Variants in SLC24A2 observed in about 807,000 individuals in gnomAD.
SLC24A2 encodes the protein solute carrier family 24 member 2.
SLC24A2 carries 36 observed loss-of-function variants against 62.0 expected under a neutral mutation model. The ratio of observed to expected loss-of-function variants is 0.58; its 90% CI spans 0.44 to 0.77. The LOEUF is 0.77. SLC24A2 is among the 30% of genes least tolerant of loss of function. SLC24A2 has a pLI of 0.00. For synonymous variants in SLC24A2, 358 were observed against 294.0 expected, an observed-to-expected ratio of 1.22 and a Z score of -2.23; for missense variants, 846 against 817.9, an observed-to-expected ratio of 1.03 and a Z score of -0.42.
chr9:20,198,648 C>T, the SLC24A2 span, among the ~76,000 whole-genome samples: 1 of 151,768 alleles, frequency 6.6e-6, no homozygotes, highest in Non-Finnish European at 1.5e-5. Flanking sequence ...GGGGTCCCCT[C>T]GCATCTCTCT....
At position 19,509,089 on chromosome 9, in the gene SLC24A2, C is replaced by G. The variant is rs1832614358; in HGVS notation, c.*7064G>C. On this transcript the variant is annotated 3_prime_UTR_variant, in exon 11 of 11. Coordinates refer to ENST00000341998, the MANE Select transcript of SLC24A2 (RefSeq NM_020344.4). ...CCCATCCTATATTTATATAAAAGCT[C>G]AAACACATCCTACATTTCCCAGGTA... 1 of 152,096 alleles carries G rather than the reference C, an allele frequency of 6.6e-6. No homozygotes were observed. Among genetic ancestry groups the G allele is most frequent in the Non-Finnish European group, 1.5e-5 (1 of 68,002 alleles). 9.4% of individuals were successfully genotyped at this position (152,096 alleles called of 1,614,324 possible). A position where few individuals can be genotyped will look rare whatever the true frequency, so the allele number is the denominator to read the frequency against.
the SLC24A2 span, among the ~76,000 whole-genome samples, chr9:20,089,146 C>T: frequency 1.3e-5 from 2 of 152,194 alleles, no homozygotes; most frequent in Non-Finnish European, 2.9e-5. Flanking sequence ...TGCTGTTTCA[C>T]AGCCCTTGCC....
chr9:19,731,126 T>C (rs946424650), intron 2 of SLC24A2, among the ~76,000 whole-genome samples: 1 of 152,194 alleles, frequency 6.6e-6, no homozygotes, highest in African/African-American at 2.4e-5. Flanking sequence ...TTCTCATTTA[T>C]ATATTGTCTC....
the SLC24A2 span, among the ~76,000 whole-genome samples, chr9:20,047,732 A>C: frequency 1.3e-5 from 2 of 150,644 alleles, no homozygotes; most frequent in Non-Finnish European, 3.0e-5. Flanking sequence ...ACTAATCCCA[A>C]CCACGAGGGC....
rs531092632 is a variant in SLC24A2, at chr9:19,642,881, C to T, written c.931-20582G>A. Among the ~76,000 whole-genome samples the T allele has an allele frequency of 8.6e-5, 13 of 150,938 alleles. No homozygotes were observed. In the East Asian group the frequency reaches 2.3e-3, roughly 27 times the overall value. On this transcript the variant is annotated intron_variant, in intron 2 of 10. Coordinates refer to ENST00000341998, the MANE Select transcript of SLC24A2 (RefSeq NM_020344.4). ...ATTTTTAGTAGAGACGGGGTTTCAC[C>T]GTGTTAGCCAAGATGGTCTCGATCT... is the stretch of plus-strand genomic sequence containing the variant.
the SLC24A2 span, among the ~76,000 whole-genome samples, chr9:19,881,217 C>T: frequency 6.6e-6 from 1 of 152,006 alleles, no homozygotes; most frequent in Admixed American, 6.6e-5. Flanking sequence ...AAGACTGAGA[C>T]CCGAGATCCT....
At chr9:19,703,763 C>A (rs955717909) in intron 2 of SLC24A2, among the ~76,000 whole-genome samples, 1 of 152,034 alleles carries the variant, frequency 6.6e-6, no homozygotes, top group African/African-American at 2.4e-5. Flanking sequence ...GGGGAAAATG[C>A]ACATATATGA....
At chr9:19,935,162 G>C in the SLC24A2 span, among the ~76,000 whole-genome samples, 1 of 151,748 alleles carries the variant, frequency 6.6e-6, no homozygotes, top group Non-Finnish European at 1.5e-5. Flanking sequence ...CACTTGGGTT[G>C]CTTGTGAAAA....
At chr9:19,677,778 G>A (rs897478275) in intron 2 of SLC24A2, among the ~76,000 whole-genome samples, 2 of 149,930 alleles carry the variant, frequency 1.3e-5, no homozygotes, top group African/African-American at 4.9e-5. Flanking sequence ...TATATTATGT[G>A]ATATCTATTA....
At chr9:20,206,890 C>A in the SLC24A2 span, among the ~76,000 whole-genome samples, 2 of 131,678 alleles carry the variant, frequency 1.5e-5, no homozygotes, top group East Asian at 2.5e-4. Flanking sequence ...TTGGGGGGGG[C>A]GGTTACGGAT....
At chr9:19,787,376 A>C (rs1410115700) in intron 1 of SLC24A2, among the ~76,000 whole-genome samples, 2 of 152,224 alleles carry the variant, frequency 1.3e-5, no homozygotes, top group Non-Finnish European at 2.9e-5. Context: ...TCTCACCTTA[A>C]ATCATGTAAT....
At chr9:20,066,162 G>C in the SLC24A2 span, among the ~76,000 whole-genome samples, 1 of 152,114 alleles carries the variant, frequency 6.6e-6, no homozygotes, top group Non-Finnish European at 1.5e-5. Context: ...ATTGCCTTTA[G>C]ACAATTTGCT....
At chr9:20,124,486 C>T in the SLC24A2 span, among the ~76,000 whole-genome samples, 3 of 152,238 alleles carry the variant, frequency 2.0e-5, no homozygotes, top group East Asian at 1.9e-4. Flanking sequence ...AAGTTTCCAC[C>T]GTCAAAGCCA....
At chr9:20,166,093 C>G in the SLC24A2 span, among the ~76,000 whole-genome samples, 2 of 151,640 alleles carry the variant, frequency 1.3e-5, no homozygotes, top group Non-Finnish European at 2.9e-5. Context: ...AATTTATCAC[C>G]CATCAGATTG....
chr9:19,870,671 G>GC, the SLC24A2 span, among the ~76,000 whole-genome samples: 4 of 151,990 alleles, frequency 2.6e-5, no homozygotes, highest in Non-Finnish European at 5.9e-5. Flanking sequence ...ACCAGTACTT[G>GC]TTATTTTCCG....
At chr9:19,961,018 G>GT in the SLC24A2 span, among the ~76,000 whole-genome samples, 1 of 116,152 alleles carries the variant, frequency 8.6e-6, no homozygotes, top group Non-Finnish European at 1.8e-5. Context: ...AGGATTAGAG[G>GT]GGTGGGTGTG....
the SLC24A2 span, among the ~76,000 whole-genome samples, chr9:20,051,657 C>CTCTTTTTTTTTTTTTTTTTTTTTT: frequency 2.3e-3 from 169 of 73,482 alleles, 7 homozygotes; most frequent in Admixed American, 5.0e-3. Flanking sequence ...TTTTCTTTCT[C>CTCTTTTTTTTTTTTTTTTTTTTTT]TTTTTTTTTT....
At chr9:20,054,177 T>A in the SLC24A2 span, among the ~76,000 whole-genome samples, 3 of 152,016 alleles carry the variant, frequency 2.0e-5, no homozygotes, top group Non-Finnish European at 4.4e-5. Context: ...TCTTTTTCTT[T>A]TCTTTTCTTT....
At chr9:19,735,952 C>T (rs1821497421) in intron 2 of SLC24A2, among the ~76,000 whole-genome samples, 1 of 152,020 alleles carries the variant, frequency 6.6e-6, no homozygotes, top group Admixed American at 6.6e-5. Context: ...CACATGTATA[C>T]ATATGTAACA....
Sources: allele counts gnomAD v4.1 joint callset (sites outside exome capture counted in the v4.1 genomes callset), GRCh38; gene constraint gnomAD v4.1.1; transcripts MANE v1.5; gene names NCBI Gene and HGNC (gene_info 2026-07-23, HGNC 2026-07-21).